Variants in CCDC197 observed in about 807,000 individuals in gnomAD.
CCDC197 encodes uncharacterized protein CCDC197.
In CCDC197, 24 loss-of-function variants were observed where a neutral mutation model predicts 13.4. The observed-to-expected ratio is 1.80, with a 90% CI of 1.30 to 2.53. The LOEUF is 2.53. Among genes scored for constraint, CCDC197 ranks in the 30% most tolerant of loss-of-function variants. CCDC197 has a pLI of 0.00. For synonymous variants in CCDC197, 99 were observed against 55.5 expected (o/e 1.78, Z -3.48); for missense variants, 255 against 148.8 (o/e 1.71, Z -3.71).
chr14:93,990,217 G>A (rs1404485404), intron 1 of CCDC197, among the ~76,000 whole-genome samples: 2 of 152,212 alleles, frequency 1.3e-5, no homozygotes, highest in Admixed American at 1.3e-4. Flanking sequence ...GATCATAGAT[G>A]TGACTGCTCA....
chr14:94,009,237 G>T (rs1185142826), downstream of CCDC197, among the ~76,000 whole-genome samples: 2 of 152,186 alleles, frequency 1.3e-5, no homozygotes, highest in Non-Finnish European at 2.9e-5. Context: ...AGTTCACCTT[G>T]CCCACAGCAG....
At chr14:94,004,201 C>T (rs527629281) in intron 5 of CCDC197, among the ~76,000 whole-genome samples, 7 of 152,296 alleles carry the variant, frequency 4.6e-5, no homozygotes, top group African/African-American at 7.2e-5. Context: ...CCCTGGACCC[C>T]GGTTCCTCGC....
intron 1 of CCDC197, among the ~76,000 whole-genome samples, chr14:93,988,290 G>A: frequency 8.9e-6 from 1 of 112,226 alleles, no homozygotes; most frequent in East Asian, 2.6e-4. Flanking sequence ...ATGGAGGAGG[G>A]GATGGGAGGA....
At chr14:93,999,293 C>T (rs1890416500) in intron 2 of CCDC197, 1 of 362,576 alleles carries the variant, frequency 2.8e-6, no homozygotes, top group East Asian at 6.1e-5. Flanking sequence ...AGGGGAGGCA[C>T]TGAAGACTCT....
chr14:94,005,987 GAT>G (rs1231069184), intron 6 of CCDC197, among the ~76,000 whole-genome samples: 1 of 152,210 alleles, frequency 6.6e-6, no homozygotes, highest in African/African-American at 2.4e-5. Flanking sequence ...TTTATGCAGA[GAT>G]ATGTTTTCAC....
rs1890750226 is a variant in CCDC197 at position 94,008,635 on chromosome 14, T to C, written c.642T>C (p.Thr214=). The change falls in exon 7 of 7, where the codon ACT becomes ACC. Residue 214 remains threonine (T), a synonymous_variant. Transcript: ENST00000636493. ...AGTTCATGTTGGACAAAATGGAGAC[T>C]GTAAGACTGATCGCACTGCTCACGG... ...IKEFMLDKME[T]VRLIALLTEP... is the part of the protein sequence containing the mutation. 1 of 702,914 alleles carries C rather than the reference T, an allele frequency of 1.4e-6. No homozygotes were observed. The highest frequency in any genetic ancestry group is 2.6e-6 in the Non-Finnish European group (1 of 385,014). The allele number at this position is 702,914 out of a possible 1,614,324, so 43.5% of individuals were successfully genotyped here.
chr14:93,990,999 C>G (rs564047918), intron 1 of CCDC197, among the ~76,000 whole-genome samples: 1 of 152,274 alleles, frequency 6.6e-6, no homozygotes, highest in Non-Finnish European at 1.5e-5. Context: ...CAGCTCATGA[C>G]TGATGAGAGC....
chr14:93,988,048 G>T (rs1323482914), intron 1 of CCDC197, among the ~76,000 whole-genome samples: 2 of 125,258 alleles, frequency 1.6e-5, no homozygotes, highest in Non-Finnish European at 3.4e-5. Context: ...GAGAAGAGGG[G>T]TGGGGCCGGA....
chr14:94,000,112 G>A (rs920714897), intron 3 of CCDC197, among the ~76,000 whole-genome samples: 2 of 152,142 alleles, frequency 1.3e-5, no homozygotes, highest in African/African-American at 4.8e-5. Flanking sequence ...GGTTTTCTGT[G>A]TTGTTTTATG....
At chr14:93,999,066 C>T (rs1233035047) in intron 2 of CCDC197, among the ~76,000 whole-genome samples, 4 of 152,238 alleles carry the variant, frequency 2.6e-5, no homozygotes, top group Non-Finnish European at 4.4e-5. Context: ...GGCAATAGCA[C>T]GTGGCCGCCT....
At chr14:93,995,448 G>T (rs546022678), upstream of CCDC197, among the ~76,000 whole-genome samples, 299 of 152,272 alleles carry the variant, frequency 2.0e-3, 1 homozygote, top group African/African-American at 6.6e-3. Context: ...CAGCCCAGTT[G>T]TCCCTGAGCC....
intron 6 of CCDC197, among the ~76,000 whole-genome samples, chr14:94,006,206 G>C (rs1407725357): frequency 6.6e-6 from 1 of 152,200 alleles, no homozygotes; most frequent in Non-Finnish European, 1.5e-5. Context: ...TAATGGGTGT[G>C]AAGTGGCATC....
downstream of CCDC197, among the ~76,000 whole-genome samples, chr14:94,009,677 C>T (rs1567046154): frequency 6.6e-6 from 1 of 151,816 alleles, no homozygotes; most frequent in Admixed American, 6.6e-5. Flanking sequence ...TGCAGTGAGC[C>T]GTGATTGTGC....
rs1890587415 is a variant in CCDC197 at position 94,003,324 on chromosome 14, CTT to C, written c.470_471del (p.Phe157Ter). Reference sequence around the variant, plus strand: ...GCATCACTTACCAGAAGGACATTGACTTTGACACACACACCAGCAGCAGCTAT... The same window carrying C: ...GCATCACTTACCAGAAGGACATTGACTGACACACACACCAGCAGCAGCTAT... ...HSITYQKDIDFDTHTSSSYND... is the reference protein window; with the variant it reads ...HSITYQKDIDXDTHTSSSYND... On this transcript the variant is annotated frameshift_variant, in exon 5 of 7. Transcript: ENST00000636493. LOFTEE classifies it high-confidence loss of function. The surrounding 1 kb of genome is among the most constrained non-coding windows in gnomAD (Gnocchi z 5.0). 1 of 583,178 alleles carries C rather than the reference CTT, an allele frequency of 1.7e-6. No individual in the cohort carries two copies. The highest frequency in any genetic ancestry group is 1.9e-5 in the African/African-American group (1 of 52,418). 36.1% of individuals were successfully genotyped at this position (583,178 alleles called of 1,614,324 possible).
At chr14:93,996,150 C>G (rs1316919272), upstream of CCDC197, among the ~76,000 whole-genome samples, 1 of 152,166 alleles carries the variant, frequency 6.6e-6, no homozygotes, top group African/African-American at 2.4e-5. Context: ...TGGGCAACCC[C>G]AGCCCCTGAG....
upstream of CCDC197, among the ~76,000 whole-genome samples, chr14:93,996,332 T>G (rs965238548): frequency 6.6e-6 from 1 of 152,204 alleles, no homozygotes; most frequent in African/African-American, 2.4e-5. Flanking sequence ...CAGGGACTCC[T>G]GGGCTGGCTG....
chr14:94,002,867 AC>A (rs374175274), intron 4 of CCDC197, among the ~76,000 whole-genome samples: 1,705 of 150,490 alleles, frequency 0.011, 45 homozygotes, highest in African/African-American at 0.04. Context: ...AAAAAAAAAA[AC>A]AAAATTATAA....
At chr14:94,000,930 G>A (rs1380656329) in intron 3 of CCDC197, 2 of 417,850 alleles carry the variant, frequency 4.8e-6, no homozygotes. Flanking sequence ...AACTTTCCAA[G>A]GTTGAGGATT....
downstream of CCDC197, among the ~76,000 whole-genome samples, chr14:94,010,924 G>T (rs536616086): frequency 3.3e-5 from 5 of 152,348 alleles, no homozygotes; most frequent in East Asian, 9.6e-4. Flanking sequence ...AGGAGGCCCT[G>T]TATCAATGCA....
Sources: gnomAD v4.1 joint callset for allele counts (sites outside exome capture counted in the v4.1 genomes callset) on GRCh38, gnomAD v4.1.1 for gene constraint, Gnocchi (gnomAD v3.1) non-coding constraint, MANE v1.5 for transcripts, NCBI Gene and HGNC (gene_info 2026-07-23, HGNC 2026-07-21) for gene names.